RIMS1: variants seen among roughly 807,000 people sequenced by gnomAD.
The protein encoded by RIMS1 is regulating synaptic membrane exocytosis protein 1.
In RIMS1, 83 loss-of-function variants were observed where a neutral mutation model predicts 214.1. The ratio of observed to expected loss-of-function variants is 0.39; its 90% CI spans 0.32 to 0.47. The LOEUF is 0.47. RIMS1 is among the 20% of genes least tolerant of loss of function. The pLI, the probability that RIMS1 is intolerant of heterozygous loss-of-function variation, is 0.99. For synonymous variants in RIMS1, 793 were observed against 786.8 expected, an observed-to-expected ratio of 1.01 and a Z score of -0.13; for missense variants, 2,050 against 2,161.8, an observed-to-expected ratio of 0.95 and a Z score of 1.03.
intron 29 of RIMS1, among the ~76,000 whole-genome samples, chr6:72,378,288 CATAGCTTCT>C (rs1271827991): frequency 6.6e-6 from 1 of 152,204 alleles, no homozygotes; most frequent in Non-Finnish European, 1.5e-5. Context: ...CACAATACTG[CATAGCTTCT>C]ATTCTAAATC....
chr6:72,266,179 C>T, intron 22 of RIMS1, 130 bp downstream of exon 22: 1 of 726,714 alleles, frequency 1.4e-6, no homozygotes, highest in South Asian at 1.5e-5. Flanking sequence ...TCTACATTTC[C>T]CCTTCCCTTA....
chr6:72,097,364 C>A (rs1030885359), intron 3 of RIMS1, among the ~76,000 whole-genome samples: 2 of 152,168 alleles, frequency 1.3e-5, no homozygotes, highest in African/African-American at 4.8e-5. Flanking sequence ...CTTACTTTAT[C>A]TTTGTTTCTT....
intron 2 of RIMS1, among the ~76,000 whole-genome samples, chr6:72,092,020 A>G (rs1445892586): frequency 2.6e-5 from 4 of 152,244 alleles, no homozygotes; most frequent in Non-Finnish European, 4.4e-5. Flanking sequence ...TTAAAACATC[A>G]GATACAAAAA....
At chr6:72,009,514 C>T (rs1209732802) in intron 2 of RIMS1, among the ~76,000 whole-genome samples, 1 of 151,786 alleles carries the variant, frequency 6.6e-6, no homozygotes, top group Non-Finnish European at 1.5e-5. Flanking sequence ...AAAAACCTTT[C>T]AAAAAATCAA....
intron 29 of RIMS1, among the ~76,000 whole-genome samples, chr6:72,380,750 T>G (rs2154419411): frequency 6.6e-6 from 1 of 152,290 alleles, no homozygotes; most frequent in Middle Eastern, 3.4e-3. Flanking sequence ...CAGACTGGTC[T>G]TGAACTCCCA....
chr6:72,092,462 T>C (rs1285663991), intron 2 of RIMS1, among the ~76,000 whole-genome samples: 1 of 151,852 alleles, frequency 6.6e-6, no homozygotes, highest in East Asian at 1.9e-4. Context: ...AAAGAAAAAA[T>C]ATTTGAAGAT....
intron 24 of RIMS1, 64 bp from the exon 25 acceptor site, chr6:72,290,615 G>GA (rs2093221947): frequency 7.0e-7 from 1 of 1,426,888 alleles, no homozygotes; most frequent in Non-Finnish European, 9.6e-7. Context: ...TTGGACAAAT[G>GA]TGTTGGTATC....
At position 72,240,885 on chromosome 6, in the gene RIMS1, G is replaced by A. The variant is rs143169645; in HGVS notation, c.1958-1429G>A. The stretch of plus-strand genomic sequence containing the variant: ...ACAAAAATTAGCTGGGCGTGGTGGT[G>A]CATGCTTGTAATCCTAGCTACTCAG... On this transcript the variant is annotated intron_variant, in intron 9 of 33. Coordinates refer to ENST00000521978, the MANE Select transcript of RIMS1 (RefSeq NM_014989.7). Among the ~76,000 whole-genome samples the A allele has an allele frequency of 8.1e-3, 1,230 of 152,024 alleles. 19 individuals carry two copies. Among genetic ancestry groups the A allele is most frequent in the African/African-American group, 0.029 (1,195 of 41,486 alleles).
intron 2 of RIMS1, among the ~76,000 whole-genome samples, chr6:72,070,382 C>G (rs899176110): frequency 2.6e-5 from 4 of 151,854 alleles, no homozygotes; most frequent in Non-Finnish European, 5.9e-5. Flanking sequence ...ATGGTATTAG[C>G]CCTAAGGAGC....
intron 16 of RIMS1, among the ~76,000 whole-genome samples, chr6:72,257,378 A>T (rs1241939948): frequency 2.0e-5 from 3 of 152,032 alleles, no homozygotes; most frequent in Non-Finnish European, 4.4e-5. Context: ...TGACTGTTAT[A>T]ATTTATTTTA....
chr6:72,276,963 A>G (rs373298823), intron 23 of RIMS1, among the ~76,000 whole-genome samples: 9 of 152,214 alleles, frequency 5.9e-5, no homozygotes, highest in African/African-American at 1.9e-4. Context: ...ATTGTTGGAC[A>G]CTGGTAGCCA....
chr6:72,327,754 T>G (rs1052934298), intron 28 of RIMS1, among the ~76,000 whole-genome samples: 1 of 151,860 alleles, frequency 6.6e-6, no homozygotes, highest in African/African-American at 2.4e-5. Flanking sequence ...AACCTGCTGT[T>G]AAGCCAAAAT....
intron 1 of RIMS1, among the ~76,000 whole-genome samples, chr6:71,915,726 G>C (rs995653622): frequency 6.6e-6 from 1 of 152,108 alleles, no homozygotes; most frequent in Non-Finnish European, 1.5e-5. Flanking sequence ...CAGACACATA[G>C]TGAGTACTTG....
At chr6:72,236,687 T>TA (rs2064202398) in intron 8 of RIMS1, among the ~76,000 whole-genome samples, 1 of 151,766 alleles carries the variant, frequency 6.6e-6, no homozygotes, top group Non-Finnish European at 1.5e-5. Context: ...AAGACAGGGC[T>TA]ATTTAATCTT....
chr6:72,152,154 T>C (rs1562439752), intron 4 of RIMS1, among the ~76,000 whole-genome samples: 2 of 152,124 alleles, frequency 1.3e-5, no homozygotes, highest in Non-Finnish European at 2.9e-5. Context: ...GGAACAAACA[T>C]CCAAACTATA....
chr6:72,366,813 T>A (rs1340255056), intron 29 of RIMS1: 2 of 985,590 alleles, frequency 2.0e-6, no homozygotes, highest in Non-Finnish European at 2.4e-6. Context: ...TGGCATTCAG[T>A]TTTCCCCAGA....
At chr6:72,311,447 G>A (rs972594730) in intron 27 of RIMS1, among the ~76,000 whole-genome samples, 4 of 152,146 alleles carry the variant, frequency 2.6e-5, no homozygotes, top group Non-Finnish European at 4.4e-5. Context: ...AAACCATATT[G>A]TCACATTGCT....
At chr6:72,247,977 C>T (rs756022956) in intron 11 of RIMS1, 38 bp from the exon 12 acceptor site, 59 of 1,289,540 alleles carry the variant, frequency 4.6e-5, no homozygotes, top group Non-Finnish European at 6.3e-5. Flanking sequence ...ATATTTCCTA[C>T]ACTTACAAAT....
At chr6:72,355,771 T>C (rs1326078678) in intron 29 of RIMS1, among the ~76,000 whole-genome samples, 1 of 152,186 alleles carries the variant, frequency 6.6e-6, no homozygotes, top group African/African-American at 2.4e-5. Context: ...TATGAAGTCT[T>C]CTGACATGTC....
Sources: allele counts gnomAD v4.1 joint callset (sites outside exome capture counted in the v4.1 genomes callset), GRCh38; gene constraint gnomAD v4.1.1; transcripts MANE v1.5; gene names NCBI Gene and HGNC (gene_info 2026-07-23, HGNC 2026-07-21).